CCDC178: variants seen among roughly 807,000 people sequenced by gnomAD.
The protein encoded by CCDC178 is coiled-coil domain containing 178.
CCDC178 carries 126 observed loss-of-function variants against 117.4 expected under a neutral mutation model. The observed-to-expected ratio is 1.07, with a 90% CI of 0.93 to 1.24. The LOEUF is 1.24. Ranked by LOEUF, CCDC178 falls within the 50% of genes most tolerant of loss-of-function variation. The pLI, the probability that CCDC178 is intolerant of heterozygous loss-of-function variation, is 0.00. For missense variants in CCDC178, 1,030 were observed against 986.9 expected, an observed-to-expected ratio of 1.04 and a Z score of -0.59; for synonymous variants, 283 against 313.4, an observed-to-expected ratio of 0.90 and a Z score of 1.02.
chr18:32,978,424 T>C (rs1006023699), intron 21 of CCDC178, among the ~76,000 whole-genome samples: 1 of 152,192 alleles, frequency 6.6e-6, no homozygotes, highest in Non-Finnish European at 1.5e-5. Context: ...CAAAGAATGA[T>C]TGATTATATC....
At chr18:33,137,335 G>C (rs935045765) in intron 20 of CCDC178, among the ~76,000 whole-genome samples, 2 of 152,074 alleles carry the variant, frequency 1.3e-5, no homozygotes. Context: ...ATAAAATATA[G>C]TCTAAGGCAT....
chr18:32,998,825 C>T (rs773355740), intron 21 of CCDC178, among the ~76,000 whole-genome samples: 1 of 151,950 alleles, frequency 6.6e-6, no homozygotes, highest in Non-Finnish European at 1.5e-5. Context: ...AATGAGCGGT[C>T]ATACCCAGGC....
chr18:33,286,677 T>A (rs1729703084), intron 12 of CCDC178, among the ~76,000 whole-genome samples: 1 of 152,182 alleles, frequency 6.6e-6, no homozygotes, highest in Admixed American at 6.5e-5. Context: ...AAATACCAAC[T>A]AATATGCCAA....
intron 9 of CCDC178, among the ~76,000 whole-genome samples, chr18:33,338,597 C>A (rs777503221): frequency 2.0e-5 from 3 of 152,142 alleles, no homozygotes; most frequent in Non-Finnish European, 2.9e-5. Flanking sequence ...GCATTCACAG[C>A]AACCTGAGTG....
In CCDC178 at chr18:33,226,831, G is replaced by T. The variant is rs746489224; in HGVS notation, c.1618C>A (p.Leu540Ile). 11 of 1,599,446 alleles carry T rather than the reference G, an allele frequency of 6.9e-6. No individual in the cohort carries two copies. The highest frequency in any genetic ancestry group is 2.6e-6 in the Non-Finnish European group (3 of 1,170,892). ...FKGREEFLKK[L>I]TQGEVAAGMV... is the part of the protein sequence containing the mutation. Reference sequence around the variant, plus strand: ...CCAGCAGCCACTTCACCTTGAGTGAGTTTTTTCAGGAATTCTTCTCTACCC... The same window carrying T: ...CCAGCAGCCACTTCACCTTGAGTGATTTTTTTCAGGAATTCTTCTCTACCC... The change falls in exon 16 of 23, where the codon CTC becomes ATC. Residue 540 changes from leucine to isoleucine, a missense_variant. Coordinates refer to ENST00000383096, the MANE Select transcript of CCDC178 (RefSeq NM_001105528.4).
chr18:33,063,001 T>A (rs272941), intron 21 of CCDC178, among the ~76,000 whole-genome samples: 21,607 of 152,112 alleles, frequency 0.14, 2,380 homozygotes, highest in African/African-American at 0.31. Context: ...CAGAGCCTGA[T>A]AGCCATCTGC....
At chr18:32,945,680 C>T (rs1188678524) in intron 22 of CCDC178, among the ~76,000 whole-genome samples, 2 of 151,954 alleles carry the variant, frequency 1.3e-5, no homozygotes, top group Admixed American at 6.6e-5. Context: ...AGGAAATGAC[C>T]TAAATCTAAA....
intron 11 of CCDC178, among the ~76,000 whole-genome samples, chr18:33,300,410 G>A (rs1321540350): frequency 6.6e-6 from 1 of 152,192 alleles, no homozygotes; most frequent in East Asian, 1.9e-4. Flanking sequence ...TTGAAAGTGT[G>A]CAAATGACTT....
At chr18:33,141,715 T>A (rs1417674422) in intron 20 of CCDC178, among the ~76,000 whole-genome samples, 1 of 152,206 alleles carries the variant, frequency 6.6e-6, no homozygotes, top group Non-Finnish European at 1.5e-5. Flanking sequence ...GGTCAACTCC[T>A]CCAACATGTT....
intron 20 of CCDC178, among the ~76,000 whole-genome samples, chr18:33,096,797 T>C (rs2145088399): frequency 6.6e-6 from 1 of 152,204 alleles, no homozygotes; most frequent in Admixed American, 6.6e-5. Flanking sequence ...CTGTGTTACA[T>C]TAGCTTGATG....
chr18:33,060,556 T>TA (rs1056117088), intron 21 of CCDC178, among the ~76,000 whole-genome samples: 3 of 151,982 alleles, frequency 2.0e-5, no homozygotes, highest in African/African-American at 7.3e-5. Context: ...TTTTTTTTTT[T>TA]AATTTTTAGT....
intron 21 of CCDC178, among the ~76,000 whole-genome samples, chr18:33,086,267 T>C (rs908249410): frequency 2.0e-5 from 3 of 151,854 alleles, no homozygotes; most frequent in African/African-American, 7.2e-5. Context: ...ATTCTATAGC[T>C]TTATAGGTAA....
intron 14 of CCDC178, among the ~76,000 whole-genome samples, chr18:33,261,946 C>T (rs1359581439): frequency 2.0e-5 from 3 of 152,012 alleles, no homozygotes; most frequent in African/African-American, 7.2e-5. Context: ...TTCTTAGTTG[C>T]ATTTTGGGTA....
chr18:33,115,631 T>C (rs1164596531), intron 20 of CCDC178, among the ~76,000 whole-genome samples: 1 of 152,060 alleles, frequency 6.6e-6, no homozygotes, highest in African/African-American at 2.4e-5. Flanking sequence ...TTTACCTGTA[T>C]GTCTAAATCA....
chr18:33,362,557 C>A (rs899567819), intron 6 of CCDC178, among the ~76,000 whole-genome samples: 5 of 151,812 alleles, frequency 3.3e-5, no homozygotes, highest in African/African-American at 1.2e-4. Context: ...GTATTTGTTG[C>A]TCTTGTCACA....
At chr18:33,375,431 A>G (rs2063351373) in intron 5 of CCDC178, among the ~76,000 whole-genome samples, 2 of 152,094 alleles carry the variant, frequency 1.3e-5, no homozygotes, top group South Asian at 4.1e-4. Context: ...AAAATGTACA[A>G]ATTTCCCAAA....
chr18:32,974,592 G>A lies in CCDC178; in HGVS notation c.2478C>T (p.Phe826=). The A allele has an allele frequency of 6.2e-7, 1 of 1,613,668 alleles. No homozygotes were observed. The highest frequency in any genetic ancestry group is 8.5e-7 in the Non-Finnish European group (1 of 1,179,780). Residue 826 remains phenylalanine, a synonymous_variant, in exon 22 of 23, where the codon TTC becomes TTT. Coordinates refer to ENST00000383096, the MANE Select transcript of CCDC178 (RefSeq NM_001105528.4). ...GAATACTCTCCTGAGAGTCTGTCTG[G>A]AAGTTGGCCAGCCTCATCTGGCTGA... is the stretch of plus-strand genomic sequence containing the variant. ...VLFSQMRLAN[F]QTDSQESIQK...
chr18:33,191,982 G>A (rs1238067687), intron 20 of CCDC178, among the ~76,000 whole-genome samples: 1 of 152,092 alleles, frequency 6.6e-6, no homozygotes, highest in Non-Finnish European at 1.5e-5. Context: ...CACATGTTCT[G>A]TTATATGATA....
intron 21 of CCDC178, among the ~76,000 whole-genome samples, chr18:33,075,333 T>C (rs2057185209): frequency 6.6e-6 from 1 of 152,186 alleles, no homozygotes; most frequent in Non-Finnish European, 1.5e-5. Context: ...TTTGCCTATG[T>C]TTATTGGCCA....
Sources: gnomAD v4.1 joint callset for allele counts (sites outside exome capture counted in the v4.1 genomes callset) on GRCh38, gnomAD v4.1.1 for gene constraint, MANE v1.5 for transcripts, NCBI Gene and HGNC (gene_info 2026-07-23, HGNC 2026-07-21) for gene names.